Variants in PLCB4 observed in about 807,000 individuals in gnomAD.
The protein encoded by PLCB4 is 1-phosphatidylinositol 4,5-bisphosphate phosphodiesterase beta-4.
PLCB4 carries 77 observed loss-of-function variants against 178.8 expected under a neutral mutation model. The ratio of observed to expected loss-of-function variants is 0.43; its 90% CI spans 0.36 to 0.52. The LOEUF (loss-of-function observed/expected upper bound fraction) is 0.52, where lower values mean the gene tolerates loss of function less well. PLCB4 is among the 20% of genes least tolerant of loss of function. PLCB4 has a pLI of 0.00. For missense variants in PLCB4, 1,024 were observed against 1,453.4 expected, an observed-to-expected ratio of 0.70 and a Z score of 4.80; for synonymous variants, 496 against 490.8, an observed-to-expected ratio of 1.01 and a Z score of -0.14.
chr20:9,168,247 TGG>T (rs765249829), intron 2 of PLCB4, among the ~76,000 whole-genome samples: 7 of 152,274 alleles, frequency 4.6e-5, no homozygotes, highest in South Asian at 4.1e-4. Flanking sequence ...CCCGGGGCTT[TGG>T]GGTAAGTTAT....
In PLCB4 at chr20:9,293,129, G is replaced by GAGACAC. The variant is rs536975352; in HGVS notation, c.-15-14665_-15-14660dup. 5.1e-4 allele frequency among the ~76,000 whole-genome samples: 76 copies of GAGACAC among 150,368 alleles called. No individual in the cohort carries two copies. The South Asian group carries it at 0.015, about 30-fold the overall frequency. On this transcript the variant is annotated intron_variant, in intron 3 of 39. Transcript: ENST00000378473. ...AGACACCCAGAGAGAGACAGAGACAGAGACACAGACAGAAGTAAGGAAAGA... is the reference window on the plus strand; with the variant it reads ...AGACACCCAGAGAGAGACAGAGACAGAGACACAGACACAGACAGAAGTAAGGAAAGA...
At chr20:9,290,800 A>G (rs748296238) in intron 3 of PLCB4, among the ~76,000 whole-genome samples, 1 of 152,192 alleles carries the variant, frequency 6.6e-6, no homozygotes, top group African/African-American at 2.4e-5. Context: ...AATAACATTT[A>G]TATTTCATAG....
intron 4 of PLCB4, among the ~76,000 whole-genome samples, chr20:9,321,425 GT>G (rs2147961354): frequency 6.6e-6 from 1 of 152,266 alleles, no homozygotes; most frequent in South Asian, 2.1e-4. Flanking sequence ...TCTTTCTAAA[GT>G]TCATTAATAG....
intron 3 of PLCB4, among the ~76,000 whole-genome samples, chr20:9,219,195 C>T (rs773150669): frequency 3.5e-4 from 53 of 152,114 alleles, no homozygotes; most frequent in African/African-American, 1.0e-3. Context: ...CTTGGCTGGG[C>T]GCGGTGGCTC....
intron 3 of PLCB4, among the ~76,000 whole-genome samples, chr20:9,223,313 T>G (rs2093822290): frequency 6.6e-6 from 1 of 152,184 alleles, no homozygotes; most frequent in East Asian, 1.9e-4. Flanking sequence ...AAATGAGATA[T>G]CACCATGATA....
chr20:9,354,360 C>A (rs1457038026), intron 7 of PLCB4, among the ~76,000 whole-genome samples: 1 of 152,140 alleles, frequency 6.6e-6, no homozygotes, highest in African/African-American at 2.4e-5. Context: ...TAAAATAAAA[C>A]AAGCCTACCC....
At chr20:9,451,900 C>G (rs1267756792) in intron 32 of PLCB4, among the ~76,000 whole-genome samples, 1 of 152,214 alleles carries the variant, frequency 6.6e-6, no homozygotes, top group Non-Finnish European at 1.5e-5. Context: ...GTCCTTAACC[C>G]AGTGCCACAT....
In PLCB4 at chr20:9,078,703, T is replaced by C. The variant is rs1600249060; in HGVS notation, c.-135+9497T>C. On this transcript the variant is annotated intron_variant, in intron 1 of 39. Coordinates refer to ENST00000378473, the MANE Select transcript of PLCB4 (RefSeq NM_001377142.1). ...TTTTAAAGAGATATTGGGAGAAATA[T>C]TGCAGGAAATCTAGGTCACTGATTG... is the stretch of plus-strand genomic sequence containing the variant. 2.6e-5 allele frequency among the ~76,000 whole-genome samples: 4 copies of C among 152,142 alleles called. No homozygotes were observed. The South Asian group carries it at 8.3e-4, about 31-fold the overall frequency.
intron 2 of PLCB4, among the ~76,000 whole-genome samples, chr20:9,211,395 T>C (rs1293497286): frequency 6.6e-6 from 1 of 152,224 alleles, no homozygotes; most frequent in Non-Finnish European, 1.5e-5. Flanking sequence ...ACCAGTCATG[T>C]CAGCATCACC....
chr20:9,459,623 T>C lies in PLCB4; in HGVS notation c.3073-12T>C, dbSNP rs1456452132. ...AGGATTACAATGGCACCGTCCCCTT[T>C]TTCCCAAACAGGTCAAAGAGATTGT... On this transcript the variant is annotated splice_polypyrimidine_tract_variant and intron_variant, in intron 34 of 39. Coordinates refer to ENST00000378473, the MANE Select transcript of PLCB4 (RefSeq NM_001377142.1). 6.3e-7 allele frequency: 1 copy of C among 1,584,718 alleles called. No individual in the cohort carries two copies. The highest frequency in any genetic ancestry group is 8.6e-7 in the Non-Finnish European group (1 of 1,156,432).
chr20:9,310,257 G>C (rs935428978), intron 4 of PLCB4, among the ~76,000 whole-genome samples: 1 of 152,130 alleles, frequency 6.6e-6, no homozygotes, highest in African/African-American at 2.4e-5. Context: ...GCCAGTGCGA[G>C]GAATAAGATT....
chr20:9,323,424 TTTG>T (rs2029865580), intron 4 of PLCB4, among the ~76,000 whole-genome samples: 1 of 152,216 alleles, frequency 6.6e-6, no homozygotes, highest in African/African-American at 2.4e-5. Context: ...GAGAGTAGAC[TTTG>T]TTTCCTGCTG....
At chr20:9,435,537 C>T in intron 28 of PLCB4, 23 bp from the exon 29 acceptor site, 1 of 1,334,746 alleles carries the variant, frequency 7.5e-7, no homozygotes, top group Non-Finnish European at 1.1e-6. Context: ...ATTAACGGCT[C>T]ATTGGGTTTT....
At chr20:9,301,836 GC>G (rs1601709344) in intron 3 of PLCB4, among the ~76,000 whole-genome samples, 1 of 152,008 alleles carries the variant, frequency 6.6e-6, no homozygotes, top group African/African-American at 2.4e-5. Flanking sequence ...TTTTTCCTCT[GC>G]CCTAGTGCAA....
chr20:9,156,743 T>A (rs1439023649), intron 2 of PLCB4, among the ~76,000 whole-genome samples: 1 of 151,960 alleles, frequency 6.6e-6, no homozygotes, highest in Non-Finnish European at 1.5e-5. Flanking sequence ...CTGGGCTCTG[T>A]GAATCTTGAA....
intron 2 of PLCB4, among the ~76,000 whole-genome samples, chr20:9,173,174 A>G (rs1327288375): frequency 6.6e-6 from 1 of 152,196 alleles, no homozygotes; most frequent in Non-Finnish European, 1.5e-5. Flanking sequence ...AGCCAGTAAA[A>G]GGCATTGCAT....
chr20:9,343,281 G>A (rs1193573689), intron 7 of PLCB4, among the ~76,000 whole-genome samples: 1 of 151,948 alleles, frequency 6.6e-6, no homozygotes, highest in Non-Finnish European at 1.5e-5. Context: ...TTTAATCTAG[G>A]CAAAAGGGTA....
chr20:9,437,236 T>A, intron 30 of PLCB4, 84 bp downstream of exon 30: 1 of 1,265,680 alleles, frequency 7.9e-7, no homozygotes, highest in Non-Finnish European at 1.1e-6. Flanking sequence ...AGGAAATATA[T>A]AAATTCGAAG....
chr20:9,389,750 A>T (rs1253447529), intron 15 of PLCB4, 129 bp from the exon 16 acceptor site: 2 of 597,104 alleles, frequency 3.3e-6, no homozygotes, highest in Non-Finnish European at 5.9e-6. Context: ...GTCAAGGTAG[A>T]TGGGGGCTCC....
Sources: gnomAD v4.1 joint callset for allele counts (sites outside exome capture counted in the v4.1 genomes callset) on GRCh38, gnomAD v4.1.1 for gene constraint, MANE v1.5 for transcripts, NCBI Gene and HGNC (gene_info 2026-07-23, HGNC 2026-07-21) for gene names.